EPHA6: variants seen among roughly 807,000 people sequenced by gnomAD.
The protein encoded by EPHA6 is EPH receptor A6.
Under a neutral mutation model 112.0 loss-of-function variants are expected in EPHA6, and 50 were observed. The ratio of observed to expected loss-of-function variants is 0.45; its 90% CI spans 0.36 to 0.56. The LOEUF is 0.56. EPHA6 is among the 20% of genes least tolerant of loss of function. The pLI, the probability that EPHA6 is intolerant of heterozygous loss-of-function variation, is 0.00. For missense variants in EPHA6, 1,280 were observed against 1,417.4 expected (o/e 0.90, Z 1.56); for synonymous variants, 529 against 490.7 (o/e 1.08, Z -1.03).
At chr3:97,612,486 T>C in intron 13 of EPHA6, 1 of 338,944 alleles carries the variant, frequency 3.0e-6, no homozygotes, top group South Asian at 2.4e-5. Flanking sequence ...GTGGGAAATA[T>C]TAGCTTCTCC....
chr3:96,931,511 T>C (rs1228165251), intron 2 of EPHA6, among the ~76,000 whole-genome samples: 2 of 151,858 alleles, frequency 1.3e-5, no homozygotes, highest in Non-Finnish European at 2.9e-5. Context: ...GGAGCCCCCA[T>C]TTAGTGAGGA....
rs1157332277 is a variant in EPHA6 at position 97,761,248 on chromosome 3, A to G, written c.*12547A>G. ...TCCATGTAAATTTTCATGTGCTGGC[A>G]TGCTTACAAGTTAATAGTGTTATAG... On this transcript the variant is annotated 3_prime_UTR_variant, in exon 18 of 18. Transcript: ENST00000389672. The G allele has an allele frequency of 2.0e-5, 4 of 195,980 alleles. No homozygotes were observed. The highest frequency in any genetic ancestry group is 9.2e-5 in the African/African-American group (4 of 43,264). The allele number at this position is 195,980 out of a possible 1,614,324, so 12.1% of individuals were successfully genotyped here.
At chr3:97,514,492 G>T (rs2107600925) in intron 10 of EPHA6, among the ~76,000 whole-genome samples, 1 of 152,172 alleles carries the variant, frequency 6.6e-6, no homozygotes, top group Non-Finnish European at 1.5e-5. Context: ...AGATTTAGTG[G>T]ATTACAATGT....
At chr3:97,328,006 T>C (rs1283484907) in intron 5 of EPHA6, among the ~76,000 whole-genome samples, 29 of 135,566 alleles carry the variant, frequency 2.1e-4, no homozygotes, top group African/African-American at 8.3e-4. Context: ...TGTATGTATA[T>C]GTATATGTGT....
intron 1 of EPHA6, among the ~76,000 whole-genome samples, chr3:96,861,620 A>T (rs989151150): frequency 6.6e-6 from 1 of 151,982 alleles, no homozygotes; most frequent in South Asian, 2.1e-4. Flanking sequence ...ATTACCTTAT[A>T]CTTACAAATA....
At chr3:96,928,146 T>A (rs546517962) in intron 2 of EPHA6, among the ~76,000 whole-genome samples, 1 of 152,336 alleles carries the variant, frequency 6.6e-6, no homozygotes, top group Admixed American at 6.5e-5. Flanking sequence ...CAGATTATAA[T>A]TCAGATGAGA....
chr3:97,131,183 T>A (rs1198206483), intron 3 of EPHA6, among the ~76,000 whole-genome samples: 1 of 152,122 alleles, frequency 6.6e-6, no homozygotes, highest in East Asian at 1.9e-4. Flanking sequence ...AGATATATAA[T>A]GTAAAATATA....
rs539430357 is a variant in EPHA6 at position 97,374,543 on chromosome 3, T to C, written c.1607-30607T>C. Among the ~76,000 whole-genome samples, 16 of 152,220 alleles carry C rather than the reference T, an allele frequency of 1.1e-4. No homozygotes were observed. The South Asian group carries it at 3.1e-3, about 30-fold the overall frequency. On this transcript the variant is annotated intron_variant, in intron 5 of 17. Transcript: ENST00000389672. Reference sequence around the variant, plus strand: ...CTTGTGTAGGTTTGTTATAAGGGTATATTGCATAATGCTAAGGTTTAGGGT... The same window carrying C: ...CTTGTGTAGGTTTGTTATAAGGGTACATTGCATAATGCTAAGGTTTAGGGT...
intron 3 of EPHA6, among the ~76,000 whole-genome samples, chr3:97,053,713 A>T (rs1445875742): frequency 6.6e-6 from 1 of 152,116 alleles, no homozygotes; most frequent in African/African-American, 2.4e-5. Flanking sequence ...TATTTCTTAC[A>T]GAAATCTGAT....
At chr3:97,166,156 G>A (rs993528839) in intron 3 of EPHA6, among the ~76,000 whole-genome samples, 6 of 152,004 alleles carry the variant, frequency 3.9e-5, no homozygotes, top group Non-Finnish European at 8.8e-5. Flanking sequence ...CAAACATTCG[G>A]TAATCTTGTT....
intron 14 of EPHA6, among the ~76,000 whole-genome samples, chr3:97,653,796 C>T (rs372783220): frequency 3.8e-4 from 57 of 151,860 alleles, no homozygotes; most frequent in South Asian, 2.7e-3. Context: ...ATGTGGTGTG[C>T]GAATTATCAT....
intron 5 of EPHA6, among the ~76,000 whole-genome samples, chr3:97,341,283 A>G (rs2083289979): frequency 6.6e-6 from 1 of 152,180 alleles, no homozygotes; most frequent in Admixed American, 6.5e-5. Flanking sequence ...AGGGGCTAAA[A>G]AAAAGCAAAT....
At chr3:97,208,632 A>G (rs1031690538) in intron 3 of EPHA6, among the ~76,000 whole-genome samples, 1 of 152,056 alleles carries the variant, frequency 6.6e-6, no homozygotes, top group Non-Finnish European at 1.5e-5. Context: ...CTGTAGCCCC[A>G]GTTACTTGGC....
chr3:97,760,910 C>T lies in EPHA6; in HGVS notation c.*12209C>T, dbSNP rs569764191. On this transcript the variant is annotated 3_prime_UTR_variant, in exon 18 of 18. Coordinates refer to ENST00000389672, the MANE Select transcript of EPHA6 (RefSeq NM_001080448.3). ...GGATTTAACTCTGTACCCATCTGCT[C>T]TTACAAAAGGGGAAAAAGATTTATC... 5.2e-5 allele frequency: 10 copies of T among 193,960 alleles called. No homozygotes were observed. The highest frequency in any genetic ancestry group is 1.9e-4 in the South Asian group (1 of 5,198). The allele number at this position is 193,960 out of a possible 1,614,324, so 12.0% of individuals were successfully genotyped here.
intron 11 of EPHA6, among the ~76,000 whole-genome samples, chr3:97,577,960 G>A (rs1187527273): frequency 6.6e-6 from 1 of 152,028 alleles, no homozygotes; most frequent in Non-Finnish European, 1.5e-5. Flanking sequence ...GTGGCATCTG[G>A]GTTGGTGGAT....
intron 14 of EPHA6, among the ~76,000 whole-genome samples, chr3:97,650,698 G>C (rs949679563): frequency 9.2e-5 from 14 of 151,658 alleles, no homozygotes; most frequent in African/African-American, 2.4e-4. Flanking sequence ...CATGTAATAA[G>C]CCTTTTGTCT....
intron 4 of EPHA6, among the ~76,000 whole-genome samples, chr3:97,235,120 G>A (rs569700517): frequency 3.3e-5 from 5 of 151,942 alleles, no homozygotes; most frequent in Non-Finnish European, 5.9e-5. Flanking sequence ...AAAATTATTC[G>A]CAGTTACTCC....
chr3:97,184,373 C>G (rs750008287), intron 3 of EPHA6, among the ~76,000 whole-genome samples: 1 of 151,708 alleles, frequency 6.6e-6, no homozygotes, highest in African/African-American at 2.4e-5. Context: ...ATGCCATCCT[C>G]TACAAAATCA....
chr3:97,069,471 T>C (rs1020254189), intron 3 of EPHA6, among the ~76,000 whole-genome samples: 1 of 152,130 alleles, frequency 6.6e-6, no homozygotes, highest in African/African-American at 2.4e-5. Context: ...ACTGTATTCT[T>C]TACTGAAACC....
Sources: allele counts gnomAD v4.1 joint callset (sites outside exome capture counted in the v4.1 genomes callset), GRCh38; gene constraint gnomAD v4.1.1; transcripts MANE v1.5; gene names NCBI Gene and HGNC (gene_info 2026-07-23, HGNC 2026-07-21).